Variants in SAMD4A observed in about 807,000 individuals in gnomAD.
SAMD4A encodes the protein protein Smaug homolog 1.
A neutral mutation model predicts 81.3 loss-of-function variants in SAMD4A; 33 were observed. That is an observed-to-expected ratio of 0.41 (90% confidence interval 0.31 to 0.54). SAMD4A has a LOEUF of 0.54. Among genes scored for constraint, SAMD4A ranks in the 20% least tolerant of loss-of-function variants. The pLI, the probability that SAMD4A is intolerant of heterozygous loss-of-function variation, is 0.37. For missense variants in SAMD4A, 854 were observed against 951.1 expected, an observed-to-expected ratio of 0.90 and a Z score of 1.34; for synonymous variants, 389 against 382.1, an observed-to-expected ratio of 1.02 and a Z score of -0.21.
intron 3 of SAMD4A, among the ~76,000 whole-genome samples, chr14:54,724,900 A>T (rs1344771566): frequency 6.6e-6 from 1 of 152,192 alleles, no homozygotes; most frequent in Non-Finnish European, 1.5e-5. Context: ...ATAATATCTC[A>T]TCCAAATGAG....
At chr14:54,589,242 A>G (rs1232934741) in intron 2 of SAMD4A, among the ~76,000 whole-genome samples, 1 of 152,200 alleles carries the variant, frequency 6.6e-6, no homozygotes, top group East Asian at 1.9e-4. Context: ...TTACACGCTC[A>G]TCTATCAGGA....
At chr14:54,729,910 C>T (rs554956572) in intron 3 of SAMD4A, among the ~76,000 whole-genome samples, 11 of 152,198 alleles carry the variant, frequency 7.2e-5, no homozygotes, top group African/African-American at 2.4e-4. Flanking sequence ...GGCTTCTTGT[C>T]TAGGTATTTC....
chr14:54,640,103 G>A (rs2140377006), intron 2 of SAMD4A, among the ~76,000 whole-genome samples: 1 of 152,058 alleles, frequency 6.6e-6, no homozygotes, highest in East Asian at 1.9e-4. Context: ...CTCCAAGCAA[G>A]TCAGGGAAGA....
At chr14:54,681,475 G>T (rs945547178) in intron 2 of SAMD4A, among the ~76,000 whole-genome samples, 2 of 152,002 alleles carry the variant, frequency 1.3e-5, no homozygotes, top group Non-Finnish European at 2.9e-5. Context: ...TGTTACCCAG[G>T]CTGGAGTATA....
intron 9 of SAMD4A, among the ~76,000 whole-genome samples, chr14:54,772,358 G>C (rs1210066528): frequency 6.6e-6 from 1 of 152,220 alleles, no homozygotes; most frequent in Non-Finnish European, 1.5e-5. Flanking sequence ...GCGATCTTAA[G>C]TAACCCAAGC....
At chr14:54,693,179 T>G (rs1250404078) in intron 2 of SAMD4A, 1 of 152,182 alleles carries the variant, frequency 6.6e-6, no homozygotes, top group Non-Finnish European at 1.5e-5. Context: ...TATTTTCCTC[T>G]TTTCCATGTT....
At chr14:54,672,000 C>T (rs1274447151) in intron 2 of SAMD4A, among the ~76,000 whole-genome samples, 1 of 141,072 alleles carries the variant, frequency 7.1e-6, no homozygotes, top group Non-Finnish European at 1.5e-5. Flanking sequence ...CCATCTACTG[C>T]TTCCTTTTCT....
intron 2 of SAMD4A, among the ~76,000 whole-genome samples, chr14:54,640,127 G>C (rs947265894): frequency 3.9e-5 from 6 of 151,974 alleles, no homozygotes; most frequent in African/African-American, 1.4e-4. Flanking sequence ...GCTTCTGTTG[G>C]CCCTCCCCCG....
chr14:54,737,381 G>A (rs908793275), intron 4 of SAMD4A, 94 bp downstream of exon 4: 10 of 1,440,338 alleles, frequency 6.9e-6, no homozygotes, highest in Non-Finnish European at 9.5e-6. Context: ...CAAGAGAGAA[G>A]GAGCCCACCC....
chr14:54,713,763 GAATT>G (rs34262019), intron 3 of SAMD4A, among the ~76,000 whole-genome samples: 23,356 of 152,078 alleles, frequency 0.15, 3,441 homozygotes, highest in African/African-American at 0.39. Context: ...TATATAAAGG[GAATT>G]AATTATAAGG....
chr14:54,618,064 T>C (rs760408056), intron 2 of SAMD4A, among the ~76,000 whole-genome samples: 3 of 152,210 alleles, frequency 2.0e-5, no homozygotes, highest in Admixed American at 6.5e-5. Context: ...GTGCCCAAAA[T>C]TATCAATATT....
At chr14:54,758,157 T>C (rs1413034004) in intron 6 of SAMD4A, among the ~76,000 whole-genome samples, 2 of 152,116 alleles carry the variant, frequency 1.3e-5, no homozygotes, top group Non-Finnish European at 2.9e-5. Context: ...CCTGGCCAGG[T>C]TTGAGAGACA....
At chr14:54,568,170 C>A in intron 2 of SAMD4A, 58 bp downstream of exon 2, 1 of 1,382,202 alleles carries the variant, frequency 7.2e-7, no homozygotes, top group Non-Finnish European at 9.4e-7. Flanking sequence ...CTCCTCCCTC[C>A]GCTTCTCTGC....
At chr14:54,765,386 G>A (rs2038509887) in intron 8 of SAMD4A, among the ~76,000 whole-genome samples, 1 of 151,832 alleles carries the variant, frequency 6.6e-6, no homozygotes, top group South Asian at 2.1e-4. Flanking sequence ...ACTTTGGGAG[G>A]CCGAGGTGGG....
At chr14:54,585,539 A>C (rs2033591134) in intron 2 of SAMD4A, among the ~76,000 whole-genome samples, 1 of 152,152 alleles carries the variant, frequency 6.6e-6, no homozygotes, top group Admixed American at 6.5e-5. Context: ...TGGTGTACCC[A>C]TCACCTGAGC....
At chr14:54,590,655 G>A (rs1027835610) in intron 2 of SAMD4A, among the ~76,000 whole-genome samples, 2 of 152,100 alleles carry the variant, frequency 1.3e-5, no homozygotes, top group African/African-American at 4.8e-5. Flanking sequence ...TCTGTCAGCT[G>A]TGCTGAGTCC....
intron 4 of SAMD4A, among the ~76,000 whole-genome samples, chr14:54,745,245 G>A (rs2037938518): frequency 1.3e-5 from 2 of 152,214 alleles, no homozygotes; most frequent in South Asian, 2.1e-4. Context: ...ACAAGATGAA[G>A]TCGACTCTCT....
intron 2 of SAMD4A, among the ~76,000 whole-genome samples, chr14:54,611,019 T>A (rs1279566716): frequency 1.3e-5 from 2 of 152,220 alleles, no homozygotes; most frequent in Non-Finnish European, 2.9e-5. Context: ...TATAGCATGT[T>A]TAATTTGTGC....
At chr14:54,766,545 A>T (rs560659520) in intron 8 of SAMD4A, among the ~76,000 whole-genome samples, 1 of 152,166 alleles carries the variant, frequency 6.6e-6, no homozygotes, top group Non-Finnish European at 1.5e-5. Context: ...CTGAGACCTG[A>T]AAGGCAAGCG....
Sources: allele counts gnomAD v4.1 joint callset (sites outside exome capture counted in the v4.1 genomes callset), GRCh38; gene constraint gnomAD v4.1.1; transcripts MANE v1.5; gene names NCBI Gene and HGNC (gene_info 2026-07-23, HGNC 2026-07-21).